The following TAF4B variants were observed in gnomAD, a reference collection of about 807,000 sequenced individuals.
The protein encoded by TAF4B is transcription initiation factor TFIID subunit 4B.
TAF4B carries 38 observed loss-of-function variants against 86.4 expected under a neutral mutation model. That is an observed-to-expected ratio of 0.44 (90% CI 0.34 to 0.58). The LOEUF (loss-of-function observed/expected upper bound fraction) is 0.58, where lower values mean the gene tolerates loss of function less well. Ranked by LOEUF, TAF4B falls within the 20% of genes least tolerant of loss-of-function variation. The pLI is 0.02. For synonymous variants in TAF4B, 388 were observed against 391.2 expected (o/e 0.99, Z 0.10); for missense variants, 988 against 1,027.6 (o/e 0.96, Z 0.53).
At position 26,353,870 on chromosome 18, in the gene TAF4B, A is replaced by AT. The variant is rs2057265119; in HGVS notation, c.2317-3814dup. ...AATTTTGATGCAGTCCAATTTGCCA[A>AT]TTTTTTCTCTTATAGATATGCATTA... On this transcript the variant is annotated intron_variant, in intron 13 of 14. Coordinates refer to ENST00000269142, the MANE Select transcript of TAF4B (RefSeq NM_005640.3). 3.3e-5 allele frequency among the ~76,000 whole-genome samples: 5 copies of AT among 152,152 alleles called. No homozygotes were observed. The South Asian group carries it at 1.0e-3, about 32-fold the overall frequency.
chr18:26,284,959 T>C (rs1476911589), intron 6 of TAF4B, among the ~76,000 whole-genome samples: 1 of 152,066 alleles, frequency 6.6e-6, no homozygotes, highest in Non-Finnish European at 1.5e-5. Flanking sequence ...AGATATTTCT[T>C]TATTTTTATT....
intron 3 of TAF4B, among the ~76,000 whole-genome samples, chr18:26,270,162 C>A (rs561509341): frequency 1.0e-3 from 152 of 152,300 alleles, no homozygotes; most frequent in African/African-American, 3.5e-3. Context: ...CACATTATGG[C>A]TCTTCAGGAC....
rs935380036 is a variant in TAF4B, at chr18:26,226,594, C to G, written c.-340C>G. On this transcript the variant is annotated 5_prime_UTR_variant, in exon 1 of 15. Coordinates refer to ENST00000269142, the MANE Select transcript of TAF4B (RefSeq NM_005640.3). The stretch of plus-strand genomic sequence containing the variant: ...GCTCGAGGTGTGAGCGACGACCTTC[C>G]GGGAGCCGCAAGTCCAGGCTCCCCC... 2.7e-5 allele frequency: 6 copies of G among 219,638 alleles called. No homozygotes were observed. The highest frequency in any genetic ancestry group is 1.4e-4 in the African/African-American group (6 of 43,996). The allele number at this position is 219,638 out of a possible 1,614,324, so 13.6% of individuals were successfully genotyped here.
At chr18:26,306,001 A>T (rs1447526887) in intron 9 of TAF4B, among the ~76,000 whole-genome samples, 1 of 152,224 alleles carries the variant, frequency 6.6e-6, no homozygotes, top group East Asian at 1.9e-4. Context: ...GGGAACAGAA[A>T]AACTGAAAAG....
chr18:26,377,358 C>T (rs1277291641), intron 14 of TAF4B, among the ~76,000 whole-genome samples: 3 of 152,168 alleles, frequency 2.0e-5, no homozygotes, highest in African/African-American at 4.8e-5. Flanking sequence ...CCTCTAGGAT[C>T]ATGTGCCAGT....
chr18:26,278,546 C>T (rs59802300), intron 5 of TAF4B, among the ~76,000 whole-genome samples: 8 of 151,466 alleles, frequency 5.3e-5, no homozygotes, highest in East Asian at 1.9e-4. Context: ...TGGCCTCAAG[C>T]GATCCTGCAC....
intron 14 of TAF4B, among the ~76,000 whole-genome samples, chr18:26,373,360 C>G (rs1473974392): frequency 1.3e-5 from 2 of 152,176 alleles, no homozygotes; most frequent in Non-Finnish European, 2.9e-5. Flanking sequence ...ACTGTCAGCT[C>G]TTCCCAGGTC....
intron 13 of TAF4B, among the ~76,000 whole-genome samples, chr18:26,343,664 A>T (rs1057116686): frequency 6.6e-6 from 1 of 152,214 alleles, no homozygotes; most frequent in Non-Finnish European, 1.5e-5. Flanking sequence ...AGGTCCACTT[A>T]TATGTGGATT....
chr18:26,262,312 G>C (rs1363332509), intron 1 of TAF4B, among the ~76,000 whole-genome samples: 1 of 151,938 alleles, frequency 6.6e-6, no homozygotes, highest in Non-Finnish European at 1.5e-5. Context: ...CTGTCTTCTT[G>C]GCCACACTCC....
At chr18:26,272,366 C>G (rs752710566) in intron 3 of TAF4B, among the ~76,000 whole-genome samples, 3 of 152,180 alleles carry the variant, frequency 2.0e-5, no homozygotes, top group Non-Finnish European at 4.4e-5. Flanking sequence ...CTGTGTGTCT[C>G]TATTCCTGAC....
At chr18:26,298,381 A>G (rs180958023) in intron 9 of TAF4B, among the ~76,000 whole-genome samples, 66 of 151,830 alleles carry the variant, frequency 4.3e-4, no homozygotes, top group Admixed American at 2.7e-3. Flanking sequence ...GGCGCCCGCA[A>G]CCACACTCTG....
Position 26,265,213 on chromosome 18 carries a change from A to G in TAF4B, c.387A>G (p.Val129=), listed in dbSNP as rs758450393. 6 of 1,613,894 alleles carry G rather than the reference A, an allele frequency of 3.7e-6. No homozygotes were observed. Among genetic ancestry groups the G allele is most frequent in the Non-Finnish European group, 3.4e-6 (4 of 1,179,996 alleles). The part of the protein sequence containing the change: ...IKSNSGPLML[V]SPQQTVTRAE... ...GTAACAGTGGTCCGTTGATGTTGGT[A>G]TCTCCTCAGCAAACTGTAACAAGAG... The change falls in exon 2 of 15, where the codon GTA becomes GTG. Residue 129 remains valine, a synonymous_variant. Coordinates refer to ENST00000269142, the MANE Select transcript of TAF4B (RefSeq NM_005640.3).
At chr18:26,256,271 A>C in intron 1 of TAF4B, 1 of 1,492,970 alleles carries the variant, frequency 6.7e-7, no homozygotes, top group Non-Finnish European at 9.3e-7. Flanking sequence ...GTTTACTGTC[A>C]GTGAATCGAG....
At chr18:26,231,052 T>TTTTTTTTG in intron 1 of TAF4B, among the ~76,000 whole-genome samples, 1 of 144,152 alleles carries the variant, frequency 6.9e-6, no homozygotes, top group Non-Finnish European at 1.5e-5. Context: ...TTTTTTTTTT[T>TTTTTTTTG]TTTTTTTGAT....
chr18:26,379,768 C>A (rs1347684324), intron 14 of TAF4B, among the ~76,000 whole-genome samples: 1 of 152,048 alleles, frequency 6.6e-6, no homozygotes, highest in African/African-American at 2.4e-5. Context: ...ATCTATAGAT[C>A]AATTTGCAGA....
intron 14 of TAF4B, among the ~76,000 whole-genome samples, chr18:26,367,620 A>T (rs1004880122): frequency 1.3e-4 from 20 of 152,220 alleles, no homozygotes; most frequent in African/African-American, 4.8e-4. Flanking sequence ...TTATAGACAC[A>T]CAGAAACAAT....
At chr18:26,257,584 C>T (rs942825151) in intron 1 of TAF4B, among the ~76,000 whole-genome samples, 1 of 152,050 alleles carries the variant, frequency 6.6e-6, no homozygotes, top group Non-Finnish European at 1.5e-5. Context: ...CTGCCATTTA[C>T]TTTTGTTTCC....
chr18:26,346,576 G>A (rs2057181012), intron 13 of TAF4B, among the ~76,000 whole-genome samples: 1 of 151,070 alleles, frequency 6.6e-6, no homozygotes, highest in Non-Finnish European at 1.5e-5. Flanking sequence ...TGAAGTCAAA[G>A]TCGATTCTAA....
chr18:26,234,145 A>G (rs2055712888), intron 1 of TAF4B, among the ~76,000 whole-genome samples: 1 of 152,222 alleles, frequency 6.6e-6, no homozygotes, highest in South Asian at 2.1e-4. Flanking sequence ...CAGTCAGGGA[A>G]TACTGGGGGT....
Sources: allele counts gnomAD v4.1 joint callset (sites outside exome capture counted in the v4.1 genomes callset), GRCh38; gene constraint gnomAD v4.1.1; transcripts MANE v1.5; gene names NCBI Gene and HGNC (gene_info 2026-07-23, HGNC 2026-07-21).